Variants in MYEF2 observed in about 807,000 individuals in gnomAD.
MYEF2 encodes myelin gene expression factor 2.
MYEF2 carries 37 observed loss-of-function variants against 75.2 expected under a neutral mutation model. The observed-to-expected ratio is 0.49, with a 90% CI of 0.38 to 0.65. MYEF2 has a LOEUF of 0.65. Among genes scored for constraint, MYEF2 ranks in the 30% least tolerant of loss-of-function variants. The probability of loss-of-function intolerance (pLI) is 0.00; values close to 1 mark genes in which losing one functional copy is unlikely to be tolerated. For missense variants in MYEF2, 634 were observed against 771.4 expected, an observed-to-expected ratio of 0.82 and a Z score of 2.11; for synonymous variants, 195 against 241.6, an observed-to-expected ratio of 0.81 and a Z score of 1.79.
At chr15:48,161,520 C>T (rs777298758) in intron 5 of MYEF2, among the ~76,000 whole-genome samples, 3 of 151,600 alleles carry the variant, frequency 2.0e-5, no homozygotes, top group Non-Finnish European at 4.4e-5. Context: ...TTTAGCTAGG[C>T]CAAATTTAGC....
At chr15:48,155,299 A>G (rs1296569361) in intron 9 of MYEF2, among the ~76,000 whole-genome samples, 1 of 152,054 alleles carries the variant, frequency 6.6e-6, no homozygotes, top group African/African-American at 2.4e-5. Context: ...ACTACTAGAG[A>G]AAAAAAATCA....
Position 48,148,504 on chromosome 15 carries a change from C to T in MYEF2, c.1639+528G>A, listed in dbSNP as rs550489861. Among the ~76,000 whole-genome samples, 3 of 152,010 alleles carry T rather than the reference C, an allele frequency of 2.0e-5. No individual in the cohort carries two copies. In the South Asian group the frequency reaches 6.2e-4, roughly 32 times the overall value. On this transcript the variant is annotated intron_variant, in intron 16 of 16. Coordinates refer to ENST00000324324, the MANE Select transcript of MYEF2 (RefSeq NM_016132.5). ...AAAATGTACCCATGTCCAAGGCATTCCTGACAGTGGGTTGTATGCTACCAG... is the reference window on the plus strand; with the variant it reads ...AAAATGTACCCATGTCCAAGGCATTTCTGACAGTGGGTTGTATGCTACCAG...
chr15:48,149,701 C>T lies in MYEF2; in HGVS notation c.1379-330G>A, dbSNP rs902351147. 5.5e-5 allele frequency: 9 copies of T among 162,982 alleles called. No individual in the cohort carries two copies. The highest frequency in any genetic ancestry group is 9.3e-5 in the Non-Finnish European group (7 of 75,558). The allele number at this position is 162,982 out of a possible 1,614,324, so 10.1% of individuals were successfully genotyped here. On this transcript the variant is annotated intron_variant, in intron 14 of 16. Coordinates refer to ENST00000324324, the MANE Select transcript of MYEF2 (RefSeq NM_016132.5). This position sits in a 1 kb window ranked among gnomAD's most constrained non-coding sequence, Gnocchi z 4.0. ...ATCATATAAATATATAAATCCTCTA[C>T]CAATCACTGCTTCCAATAACAGGAC...
intron 16 of MYEF2, among the ~76,000 whole-genome samples, chr15:48,143,741 G>A (rs1033258461): frequency 1.3e-5 from 2 of 152,074 alleles, no homozygotes; most frequent in African/African-American, 4.8e-5. Context: ...GAATATCAGA[G>A]AAGCTTCAGG....
intron 1 of MYEF2, among the ~76,000 whole-genome samples, chr15:48,171,614 GA>G (rs1214809597): frequency 1.3e-5 from 2 of 151,060 alleles, no homozygotes; most frequent in Admixed American, 6.6e-5. Flanking sequence ...AACAAAAAAA[GA>G]AAAAAAACTA....
chr15:48,151,905 C>T lies in MYEF2; in HGVS notation c.1176G>A (p.Met392Ile). 1.9e-6 allele frequency: 3 copies of T among 1,613,554 alleles called. No homozygotes were observed. Among genetic ancestry groups the T allele is most frequent in the Non-Finnish European group, 2.5e-6 (3 of 1,179,628 alleles). The stretch of plus-strand genomic sequence containing the variant: ...TTCGGCCAACTCCTCCAAATCCTCC[C>T]ATGCTATTCATTGCTTCCAGACCAC... ...GFGGLEAMNSMGGFGGVGRMG... is the reference protein window; with the variant it reads ...GFGGLEAMNSIGGFGGVGRMG... The change falls in exon 12 of 17, where the codon ATG becomes ATA. Residue 392 changes from methionine to isoleucine, a missense_variant. Physicochemically the swap from Met to Ile is conservative, Grantham distance 10. Transcript: ENST00000324324.
At chr15:48,175,580 A>T (rs2040489663) in intron 1 of MYEF2, among the ~76,000 whole-genome samples, 1 of 152,248 alleles carries the variant, frequency 6.6e-6, no homozygotes, top group East Asian at 1.9e-4. Flanking sequence ...ACTTCAAAAT[A>T]TACAATTTTT....
At chr15:48,164,163 C>T (rs937791080) in intron 5 of MYEF2, among the ~76,000 whole-genome samples, 9 of 152,118 alleles carry the variant, frequency 5.9e-5, no homozygotes, top group Admixed American at 2.6e-4. Flanking sequence ...AAGAATGTAC[C>T]ATTCTAGATG....
chr15:48,156,441 C>A (rs756605706), intron 9 of MYEF2, among the ~76,000 whole-genome samples: 2 of 150,554 alleles, frequency 1.3e-5, no homozygotes, highest in Non-Finnish European at 1.5e-5. Context: ...ATAATTTAAG[C>A]CAAAATATTT....
At chr15:48,177,175 G>C (rs1272467308) in intron 1 of MYEF2, among the ~76,000 whole-genome samples, 2 of 152,150 alleles carry the variant, frequency 1.3e-5, no homozygotes, top group Non-Finnish European at 2.9e-5. Context: ...TAAGGAGGTA[G>C]GCATATGAAA....
At position 48,142,022 on chromosome 15, in the gene MYEF2, T is replaced by G; in HGVS notation, c.*886A>C. On this transcript the variant is annotated 3_prime_UTR_variant, in exon 17 of 17. Coordinates refer to ENST00000324324, the MANE Select transcript of MYEF2 (RefSeq NM_016132.5). ...GCACATTTTAACAGTATGCTTTTCT[T>G]TTGTAGGGAAAGGAGATATGGCTAT... 6.3e-6 allele frequency: 10 copies of G among 1,595,380 alleles called. No individual in the cohort carries two copies. The highest frequency in any genetic ancestry group is 8.6e-6 in the Non-Finnish European group (10 of 1,168,936).
chr15:48,135,105 C>A lies in MYEF2; in HGVS notation c.*7803G>T. On this transcript the variant is annotated 3_prime_UTR_variant, in exon 17 of 17. Coordinates refer to ENST00000324324, the MANE Select transcript of MYEF2 (RefSeq NM_016132.5). ...AATCTGCCACTTCTATACCATATTCCAACAGGTCTGTGAGTTAACCTCATC... is the reference window on the plus strand; with the variant it reads ...AATCTGCCACTTCTATACCATATTCAAACAGGTCTGTGAGTTAACCTCATC... 1.4e-6 allele frequency: 1 copy of A among 695,158 alleles called. No homozygotes were observed. The highest frequency in any genetic ancestry group is 2.5e-6 in the Non-Finnish European group (1 of 406,240). The allele number at this position is 695,158 out of a possible 1,614,324, so 43.1% of individuals were successfully genotyped here.
chr15:48,166,481 C>A (rs1335382147), intron 3 of MYEF2, among the ~76,000 whole-genome samples: 2 of 151,810 alleles, frequency 1.3e-5, no homozygotes, highest in Non-Finnish European at 2.9e-5. Context: ...TCTGTAGTTA[C>A]AAATATTTTC....
At chr15:48,166,066 A>G in intron 4 of MYEF2, 40 bp from the exon 5 acceptor site, 3 of 1,575,956 alleles carry the variant, frequency 1.9e-6, no homozygotes, top group Non-Finnish European at 2.6e-6. Context: ...TTTATGTGCT[A>G]ATTTTTTTCC....
rs760378881 is a variant in MYEF2 at position 48,139,164 on chromosome 15, T to C, written c.*3744A>G. 1 of 1,610,162 alleles carries C rather than the reference T, an allele frequency of 6.2e-7. No individual in the cohort carries two copies. Among genetic ancestry groups the C allele is most frequent in the Non-Finnish European group, 8.5e-7 (1 of 1,177,338 alleles). The stretch of plus-strand genomic sequence containing the variant: ...TTTACATATATCCTGGTTTGGATGG[T>C]CACAATAACTGGTATGTATTTTAAG... On this transcript the variant is annotated 3_prime_UTR_variant, in exon 17 of 17. Coordinates refer to ENST00000324324, the MANE Select transcript of MYEF2 (RefSeq NM_016132.5).
intron 9 of MYEF2, among the ~76,000 whole-genome samples, chr15:48,156,903 A>G (rs1301888967): frequency 4.6e-5 from 7 of 152,112 alleles, no homozygotes; most frequent in Non-Finnish European, 7.4e-5. Context: ...AACCTAAATG[A>G]TAAATACTCT....
chr15:48,151,779 C>T (rs1199472440), intron 12 of MYEF2, 95 bp downstream of exon 12: 2 of 1,434,566 alleles, frequency 1.4e-6, no homozygotes, highest in African/African-American at 2.8e-5. Flanking sequence ...CTTCTGAAGA[C>T]ATTTTTAGCA....
chr15:48,177,945 G>A (rs2040610399), intron 1 of MYEF2, 132 bp downstream of exon 1: 3 of 1,246,626 alleles, frequency 2.4e-6, no homozygotes, highest in Non-Finnish European at 3.3e-6. Context: ...TGCTCCTCAG[G>A]AAGCCGATGG....
At chr15:48,168,566 T>A (rs879706892) in intron 2 of MYEF2, 65 bp downstream of exon 2, 129 of 1,285,790 alleles carry the variant, frequency 1.0e-4, no homozygotes, top group Admixed American at 8.6e-4. Flanking sequence ...TAAAAATGTT[T>A]GTGTAGTTCC....
Sources: allele counts gnomAD v4.1 joint callset (sites outside exome capture counted in the v4.1 genomes callset), GRCh38; gene constraint gnomAD v4.1.1; non-coding constraint Gnocchi (gnomAD v3.1); transcripts MANE v1.5; gene names NCBI Gene and HGNC (gene_info 2026-07-23, HGNC 2026-07-21).